REDIC1: variants seen among roughly 807,000 people sequenced by gnomAD.
REDIC1 encodes the protein HEI10 Interacting Protein 1.
the REDIC1 span, among the ~76,000 whole-genome samples, chr12:39,750,297 G>A: frequency 1.3e-5 from 2 of 152,168 alleles, no homozygotes; most frequent in Non-Finnish European, 2.9e-5. Flanking sequence ...CAAATCATGA[G>A]TGAACTCCCA....
chr12:39,853,467 C>T, the REDIC1 span, among the ~76,000 whole-genome samples: 1 of 152,042 alleles, frequency 6.6e-6, no homozygotes, highest in African/African-American at 2.4e-5. Context: ...CTAATTGTGA[C>T]AAGGTCTTAA....
the REDIC1 span, among the ~76,000 whole-genome samples, chr12:39,797,124 T>C: frequency 6.6e-6 from 1 of 152,206 alleles, no homozygotes; most frequent in Non-Finnish European, 1.5e-5. Context: ...TAATGAAAAC[T>C]ATTCATTTTG....
chr12:39,836,050 C>T, the REDIC1 span, among the ~76,000 whole-genome samples: 46 of 152,204 alleles, frequency 3.0e-4, no homozygotes, highest in Middle Eastern at 3.4e-3. Flanking sequence ...GGGCCAGTTT[C>T]GTTGAGGCCC....
At chr12:39,803,204 C>CAAAAAA in the REDIC1 span, among the ~76,000 whole-genome samples, 1 of 73,754 alleles carries the variant, frequency 1.4e-5, no homozygotes. Context: ...GAAGCAAATG[C>CAAAAAA]AAAAAAAAAA....
chr12:39,699,394 G>A, the REDIC1 span, among the ~76,000 whole-genome samples: 2 of 152,208 alleles, frequency 1.3e-5, no homozygotes, highest in African/African-American at 4.8e-5. Context: ...TTTTCCGACG[G>A]GCTTAAAAAA....
the REDIC1 span, chr12:39,684,322 C>G: frequency 1.3e-5 from 12 of 901,824 alleles, no homozygotes; most frequent in African/African-American, 2.2e-4. Flanking sequence ...GGTAATAGTC[C>G]TAACTTTCTT....
the REDIC1 span, among the ~76,000 whole-genome samples, chr12:39,873,612 T>G: frequency 6.6e-6 from 1 of 152,204 alleles, no homozygotes; most frequent in Non-Finnish European, 1.5e-5. Flanking sequence ...AGTTATATTG[T>G]GCAAAATAAT....
the REDIC1 span, among the ~76,000 whole-genome samples, chr12:39,713,875 A>T: frequency 6.7e-6 from 1 of 148,542 alleles, no homozygotes. Flanking sequence ...ATATATGTAT[A>T]TTTACGTATA....
the REDIC1 span, among the ~76,000 whole-genome samples, chr12:39,711,831 A>C: frequency 2.4e-4 from 2 of 8,334 alleles, no homozygotes; most frequent in Non-Finnish European, 9.9e-4. Context: ...ATGCATGTGT[A>C]TATGTGTGTA....
At chr12:39,825,395 G>C in the REDIC1 span, among the ~76,000 whole-genome samples, 1 of 152,140 alleles carries the variant, frequency 6.6e-6, no homozygotes, top group African/African-American at 2.4e-5. Flanking sequence ...AATCTAAAAT[G>C]TGTGTCTTTC....
chr12:39,709,093 T>C, the REDIC1 span, among the ~76,000 whole-genome samples: 1 of 151,836 alleles, frequency 6.6e-6, no homozygotes, highest in Non-Finnish European at 1.5e-5. Context: ...ACATAGATTC[T>C]GCATGTTTCT....
the REDIC1 span, among the ~76,000 whole-genome samples, chr12:39,630,532 G>C: frequency 1.3e-5 from 2 of 152,138 alleles, no homozygotes; most frequent in East Asian, 3.9e-4. Context: ...CAAAGTAACT[G>C]AAATTTAGTC....
chr12:39,688,143 A>G, the REDIC1 span, among the ~76,000 whole-genome samples: 1 of 152,256 alleles, frequency 6.6e-6, no homozygotes, highest in Admixed American at 6.5e-5. Context: ...GTTATGCACT[A>G]GACTCTGCAA....
chr12:39,721,130 A>T, the REDIC1 span: 1 of 1,613,704 alleles, frequency 6.2e-7, no homozygotes, highest in East Asian at 2.2e-5. Flanking sequence ...GTTGCCATAC[A>T]GTGTGATCTA....
At chr12:39,698,230 A>G in the REDIC1 span, among the ~76,000 whole-genome samples, 3 of 152,184 alleles carry the variant, frequency 2.0e-5, no homozygotes, top group Non-Finnish European at 4.4e-5. Flanking sequence ...TGAGACCATT[A>G]AAGAGGTAGT....
At chr12:39,666,488 T>C in the REDIC1 span, among the ~76,000 whole-genome samples, 3 of 152,320 alleles carry the variant, frequency 2.0e-5, no homozygotes, top group East Asian at 5.8e-4. Flanking sequence ...TTGAGGACTT[T>C]TGCATCGATG....
chr12:39,863,707 A>C, the REDIC1 span, among the ~76,000 whole-genome samples: 1 of 152,172 alleles, frequency 6.6e-6, no homozygotes, highest in Admixed American at 6.5e-5. Flanking sequence ...TCAGTGAGCC[A>C]ATAATAAACA....
At chr12:39,816,523 T>C in the REDIC1 span, among the ~76,000 whole-genome samples, 3 of 151,480 alleles carry the variant, frequency 2.0e-5, no homozygotes, top group Non-Finnish European at 2.9e-5. Context: ...GGCACATGTA[T>C]ACATATGTAA....
the REDIC1 span, among the ~76,000 whole-genome samples, chr12:39,712,082 ATATATACATACATATATACC>A: frequency 6.9e-6 from 1 of 144,060 alleles, no homozygotes; most frequent in African/African-American, 2.5e-5. Flanking sequence ...ACCGGTATGT[ATATATACATACATATATACC>A]TGTATATATA....
Sources: allele counts gnomAD v4.1 joint callset (sites outside exome capture counted in the v4.1 genomes callset), GRCh38; gene constraint gnomAD v4.1.1; transcripts MANE v1.5; gene names NCBI Gene and HGNC (gene_info 2026-07-23, HGNC 2026-07-21).